CEP85L: variants seen among roughly 807,000 people sequenced by gnomAD.
CEP85L encodes the protein centrosomal protein 85L.
A neutral mutation model predicts 100.3 loss-of-function variants in CEP85L; 60 were observed. The observed-to-expected ratio is 0.60, with a 90% confidence interval of 0.49 to 0.74. The LOEUF (loss-of-function observed/expected upper bound fraction) is 0.74, where lower values mean the gene tolerates loss of function less well. Among genes scored for constraint, CEP85L ranks in the 30% least tolerant of loss-of-function variants. The pLI is 0.00. For synonymous variants in CEP85L, 319 were observed against 322.7 expected (o/e 0.99, Z 0.12); for missense variants, 973 against 936.2 (o/e 1.04, Z -0.51).
intron 3 of CEP85L, among the ~76,000 whole-genome samples, chr6:118,524,288 C>T (rs1260737304): frequency 6.6e-6 from 1 of 151,868 alleles, no homozygotes; most frequent in Non-Finnish European, 1.5e-5. Flanking sequence ...ACTAAAAATA[C>T]AAAAAATTAG....
intron 1 of CEP85L, among the ~76,000 whole-genome samples, chr6:118,658,728 TAA>T (rs1775877167): frequency 6.6e-6 from 1 of 152,162 alleles, no homozygotes; most frequent in African/African-American, 2.4e-5. Flanking sequence ...GTATATTTAA[TAA>T]GTGTTATAAG....
intron 1 of CEP85L, among the ~76,000 whole-genome samples, chr6:118,662,284 C>G (rs185500569): frequency 1.2e-4 from 18 of 152,190 alleles, no homozygotes; most frequent in African/African-American, 4.3e-4. Context: ...AATCCCAACA[C>G]CTTGGGAGGC....
At chr6:118,683,628 A>G (rs1370034908) in intron 1 of CEP85L, among the ~76,000 whole-genome samples, 1 of 152,234 alleles carries the variant, frequency 6.6e-6, no homozygotes, top group African/African-American at 2.4e-5. Flanking sequence ...ATCAATGTCC[A>G]TCTGTAGATT....
intron 1 of CEP85L, among the ~76,000 whole-genome samples, chr6:118,646,178 T>C (rs1024983779): frequency 1.3e-4 from 20 of 151,940 alleles, no homozygotes; most frequent in Admixed American, 1.1e-3. Flanking sequence ...GATTGCGCCA[T>C]TGCACTCCAG....
chr6:118,560,398 TA>T (rs1306098838), intron 3 of CEP85L: 1 of 166,986 alleles, frequency 6.0e-6, no homozygotes, highest in Non-Finnish European at 1.5e-5. Flanking sequence ...ATATATTTAC[TA>T]TTCATTAAAT....
chr6:118,579,071 T>A (rs1714167210), intron 2 of CEP85L, among the ~76,000 whole-genome samples: 1 of 152,172 alleles, frequency 6.6e-6, no homozygotes, highest in Non-Finnish European at 1.5e-5. Context: ...AATATTTGTA[T>A]TTATTGTAGA....
At chr6:118,545,635 C>T (rs1273489717) in intron 3 of CEP85L, among the ~76,000 whole-genome samples, 2 of 152,058 alleles carry the variant, frequency 1.3e-5, no homozygotes, top group Admixed American at 6.6e-5. Context: ...ATTTAAAATG[C>T]TACAAAACTA....
chr6:118,540,776 A>T (rs1777864470), intron 3 of CEP85L, among the ~76,000 whole-genome samples: 1 of 151,676 alleles, frequency 6.6e-6, no homozygotes, highest in Non-Finnish European at 1.5e-5. Context: ...ATAAATAAAT[A>T]AATAAATAAA....
Position 118,600,301 on chromosome 6 carries a change from GTGTGTGTGTGTGTGT to G in CEP85L, c.232+32137_232+32151del, listed in dbSNP as rs1276802458. Among the ~76,000 whole-genome samples the G allele has an allele frequency of 5.3e-4, 16 of 30,420 alleles. 3 individuals carry two copies. Among genetic ancestry groups the G allele is most frequent in the East Asian group, 2.6e-3 (2 of 774 alleles). The allele number at this position is 30,420 out of a possible 152,430, so 20.0% of individuals were successfully genotyped here. ...TGCCTGTCCCTGAGCCTTCCTGGGG[GTGTGTGTGTGTGTGT>G]GTGTGTGTGTGTGTGTGTGTGTGTG... On this transcript the variant is annotated intron_variant, in intron 2 of 12. Transcript: ENST00000368491.
At chr6:118,556,833 C>G (rs1250343140) in intron 3 of CEP85L, among the ~76,000 whole-genome samples, 2 of 152,052 alleles carry the variant, frequency 1.3e-5, no homozygotes, top group African/African-American at 4.8e-5. Context: ...CAAAATGTCC[C>G]CAAGTGTTAA....
At chr6:118,625,472 A>T (rs1773729241) in intron 2 of CEP85L, among the ~76,000 whole-genome samples, 1 of 152,248 alleles carries the variant, frequency 6.6e-6, no homozygotes. Flanking sequence ...CAATTCTATT[A>T]TAAAATATCA....
At chr6:118,594,361 A>T (rs1781352912) in intron 2 of CEP85L, among the ~76,000 whole-genome samples, 1 of 152,202 alleles carries the variant, frequency 6.6e-6, no homozygotes, top group Admixed American at 6.5e-5. Flanking sequence ...TTCTCAGTAA[A>T]AACAACCAAC....
At chr6:118,599,325 C>G (rs1453318095) in intron 2 of CEP85L, among the ~76,000 whole-genome samples, 3 of 152,158 alleles carry the variant, frequency 2.0e-5, no homozygotes, top group Non-Finnish European at 4.4e-5. Flanking sequence ...GTCAAAGTGT[C>G]ACCAGAACAA....
At chr6:118,562,621 A>C (rs910641414) in intron 3 of CEP85L, among the ~76,000 whole-genome samples, 1 of 152,116 alleles carries the variant, frequency 6.6e-6, no homozygotes, top group Non-Finnish European at 1.5e-5. Flanking sequence ...TCAGCCTCCC[A>C]AAGTGTTGGG....
intron 2 of CEP85L, among the ~76,000 whole-genome samples, chr6:118,596,935 C>A (rs570277977): frequency 3.1e-4 from 47 of 152,312 alleles, no homozygotes; most frequent in Non-Finnish European, 5.9e-4. Flanking sequence ...TTCCCATAAT[C>A]CCCACATGTC....
chr6:118,651,139 G>A, intron 1 of CEP85L, 58 bp downstream of exon 1: 1 of 1,455,614 alleles, frequency 6.9e-7, no homozygotes, highest in East Asian at 3.0e-5. Flanking sequence ...GCGAGGTCCC[G>A]AGGCGCCGCG....
chr6:118,581,223 ATTTC>A (rs1337276734), intron 2 of CEP85L, among the ~76,000 whole-genome samples: 1 of 152,132 alleles, frequency 6.6e-6, no homozygotes, highest in Admixed American at 6.5e-5. Context: ...TGGTTCCTAC[ATTTC>A]TTTAAGTCAC....
Position 118,562,978 on chromosome 6 carries a change from C to A in CEP85L, c.1020+2551G>T, listed in dbSNP as rs1272635055. ...CCCCAAGAAAAGGAACTCAAGGGGGCCATGGAAAGGGAAGGAGTCTTCCCA... is the reference window on the plus strand; with the variant it reads ...CCCCAAGAAAAGGAACTCAAGGGGGACATGGAAAGGGAAGGAGTCTTCCCA... On this transcript the variant is annotated intron_variant, in intron 3 of 12. Transcript: ENST00000368491. Among the ~76,000 whole-genome samples, 4 of 152,082 alleles carry A rather than the reference C, an allele frequency of 2.6e-5. No homozygotes were observed. The East Asian group carries it at 7.7e-4, about 29-fold the overall frequency.
chr6:118,582,811 T>TC (rs779279668), intron 2 of CEP85L, among the ~76,000 whole-genome samples: 8 of 152,128 alleles, frequency 5.3e-5, no homozygotes, highest in Non-Finnish European at 1.0e-4. Flanking sequence ...CACAGTCAGC[T>TC]CCCGATATTG....
Sources: gnomAD v4.1 joint callset for allele counts (sites outside exome capture counted in the v4.1 genomes callset) on GRCh38, gnomAD v4.1.1 for gene constraint, MANE v1.5 for transcripts, NCBI Gene and HGNC (gene_info 2026-07-23, HGNC 2026-07-21) for gene names.